The following EYA1 variants were observed in gnomAD, a reference collection of about 807,000 sequenced individuals.
EYA1 encodes the protein protein phosphatase EYA1.
Under a neutral mutation model 82.0 loss-of-function variants are expected in EYA1, and 16 were observed. The ratio of observed to expected loss-of-function variants is 0.20; its 90% CI spans 0.13 to 0.30. The LOEUF (loss-of-function observed/expected upper bound fraction) is 0.30, where lower values mean the gene tolerates loss of function less well. Ranked by LOEUF, EYA1 falls within the 10% of genes least tolerant of loss-of-function variation. The probability of loss-of-function intolerance (pLI) is 1.00; values close to 1 mark genes in which losing one functional copy is unlikely to be tolerated. For missense variants in EYA1, 633 were observed against 730.7 expected (o/e 0.87, Z 1.54); for synonymous variants, 261 against 264.4 (o/e 0.99, Z 0.12).
intron 2 of EYA1, chr8:71,470,932 C>CT: frequency 2.2e-6 from 1 of 446,674 alleles, no homozygotes; most frequent in South Asian, 1.6e-5. Context: ...TGCCAATGGG[C>CT]TTTAAAAAAA....
At chr8:71,320,254 G>A (rs1439174752) in intron 6 of EYA1, among the ~76,000 whole-genome samples, 3 of 152,202 alleles carry the variant, frequency 2.0e-5, no homozygotes, top group Admixed American at 2.0e-4. Flanking sequence ...AAAGATGTGT[G>A]GCTGGTAGCC....
chr8:71,367,552 G>GAAAAAAAAAAA (rs3066860), intron 2 of EYA1, among the ~76,000 whole-genome samples: 1 of 135,656 alleles, frequency 7.4e-6, no homozygotes. Context: ...TCCCAAATCG[G>GAAAAAAAAAAA]AAAAAAAAAA....
chr8:71,249,386 G>C (rs1024697130), intron 11 of EYA1, among the ~76,000 whole-genome samples: 3 of 151,324 alleles, frequency 2.0e-5, no homozygotes, highest in African/African-American at 7.4e-5. Context: ...TACAATCATG[G>C]AGGAAGGGGA....
At chr8:71,296,909 A>C (rs1240821830) in intron 9 of EYA1, among the ~76,000 whole-genome samples, 2 of 152,144 alleles carry the variant, frequency 1.3e-5, no homozygotes, top group Non-Finnish European at 2.9e-5. Context: ...GAATGAAAAC[A>C]AAATACCCAG....
intron 7 of EYA1, among the ~76,000 whole-genome samples, chr8:71,306,624 A>G (rs1362044086): frequency 2.6e-5 from 4 of 152,088 alleles, no homozygotes; most frequent in African/African-American, 9.7e-5. Flanking sequence ...GATCACTGCT[A>G]TATCGGAAAC....
At chr8:71,429,198 A>G (rs1218040958) in intron 2 of EYA1, among the ~76,000 whole-genome samples, 1 of 152,180 alleles carries the variant, frequency 6.6e-6, no homozygotes, top group Non-Finnish European at 1.5e-5. Flanking sequence ...AAATTAGCAA[A>G]TGAATTTGGA....
chr8:71,430,708 G>C (rs117889696), intron 2 of EYA1, among the ~76,000 whole-genome samples: 2,444 of 152,300 alleles, frequency 0.016, 35 homozygotes, highest in Non-Finnish European at 0.026. Context: ...GAAACCAATG[G>C]GGGTGGGTGC....
intron 1 of EYA1, among the ~76,000 whole-genome samples, chr8:71,538,737 G>T (rs1041058333): frequency 1.3e-5 from 2 of 152,160 alleles, no homozygotes; most frequent in Admixed American, 1.3e-4. Context: ...AGACTATCCA[G>T]GTAGGCTAAT....
At chr8:71,208,356 T>TAGG (rs1808078927) in intron 17 of EYA1, among the ~76,000 whole-genome samples, 2 of 152,116 alleles carry the variant, frequency 1.3e-5, no homozygotes, top group African/African-American at 2.4e-5. Flanking sequence ...CACTTGAACC[T>TAGG]AGGAGGAGGA....
At chr8:71,490,429 A>C (rs1160605877) in intron 2 of EYA1, among the ~76,000 whole-genome samples, 3 of 152,184 alleles carry the variant, frequency 2.0e-5, no homozygotes, top group African/African-American at 7.2e-5. Context: ...ATGTTATCCT[A>C]CGCAATAAAC....
intron 3 of EYA1, among the ~76,000 whole-genome samples, chr8:71,349,330 G>A (rs1826077570): frequency 6.6e-6 from 1 of 152,212 alleles, no homozygotes; most frequent in Non-Finnish European, 1.5e-5. Context: ...ATTCAGCCAT[G>A]AAGGCACCAA....
chr8:71,230,822 A>G (rs1811109917), intron 12 of EYA1, among the ~76,000 whole-genome samples: 1 of 152,206 alleles, frequency 6.6e-6, no homozygotes, highest in Non-Finnish European at 1.5e-5. Flanking sequence ...TTCAATACAT[A>G]TTTGGATTCT....
intron 4 of EYA1, among the ~76,000 whole-genome samples, chr8:71,328,835 C>T (rs1394947736): frequency 6.6e-6 from 1 of 152,156 alleles, no homozygotes; most frequent in African/African-American, 2.4e-5. Flanking sequence ...TCAACCCTGG[C>T]CTTCCACTTC....
In EYA1 at chr8:71,406,464, G is replaced by A. The variant is rs527464489; in HGVS notation, c.34-49953C>T. ...TTTCTGCATTTCCATCTGAGGTACC[G>A]GGTTCATCTCACTAGGGAGTGCCAG... is the stretch of plus-strand genomic sequence containing the variant. On this transcript the variant is annotated intron_variant, in intron 2 of 18. Transcript: ENST00000643681. 5.9e-5 allele frequency among the ~76,000 whole-genome samples: 9 copies of A among 152,284 alleles called. No homozygotes were observed. In the East Asian group the frequency reaches 9.7e-4, roughly 16 times the overall value.
intron 2 of EYA1, among the ~76,000 whole-genome samples, chr8:71,452,045 C>T (rs1807426236): frequency 6.6e-6 from 1 of 152,190 alleles, no homozygotes; most frequent in African/African-American, 2.4e-5. Context: ...ACAGACGGCA[C>T]CTGGAAAATC....
Position 71,216,788 on chromosome 8 carries a change from T to G in EYA1, c.1264A>C (p.Thr422Pro), listed in dbSNP as rs779623204. The change falls in exon 14 of 18, where the codon ACT (threonine) becomes CCT (proline). Residue 422 changes from threonine (T) to proline (P), a missense_variant. Thr to Pro is a conservative substitution (Grantham distance 38, BLOSUM62 -1). Coordinates refer to ENST00000340726, the MANE Select transcript of EYA1 (RefSeq NM_000503.6). ...AATSANLCLA[T>P]GVRGGVDWMR... ...CAGTCCACACCGCCCCGTACACCAG[T>G]TGCCAAACATAAGTTAGCACTGGTT... 5.6e-6 allele frequency: 9 copies of G among 1,614,056 alleles called. No individual in the cohort carries two copies. In the Admixed American group the frequency reaches 6.7e-5, roughly 12 times the overall value.
chr8:71,440,876 A>G (rs1221187684), intron 2 of EYA1, among the ~76,000 whole-genome samples: 1 of 152,158 alleles, frequency 6.6e-6, no homozygotes, highest in Non-Finnish European at 1.5e-5. Context: ...TTATGAAGGT[A>G]CCTAAAGGTA....
intron 2 of EYA1, among the ~76,000 whole-genome samples, chr8:71,480,435 T>G (rs1810047015): frequency 6.6e-6 from 1 of 152,156 alleles, no homozygotes; most frequent in Non-Finnish European, 1.5e-5. Flanking sequence ...CTGTTTTCTA[T>G]CCTCATCACT....
intron 16 of EYA1, 36 bp downstream of exon 16, chr8:71,215,351 G>C: frequency 6.2e-7 from 1 of 1,602,664 alleles, no homozygotes. Flanking sequence ...TGAAGGAAAA[G>C]AGCTGATTGT....
Sources: gnomAD v4.1 joint callset for allele counts (sites outside exome capture counted in the v4.1 genomes callset) on GRCh38, gnomAD v4.1.1 for gene constraint, MANE v1.5 for transcripts, NCBI Gene and HGNC (gene_info 2026-07-23, HGNC 2026-07-21) for gene names.